The following MGA variants were observed in gnomAD, a reference collection of about 807,000 sequenced individuals.
MGA encodes MAX dimerization protein MGA.
A neutral mutation model predicts 261.1 loss-of-function variants in MGA; 40 were observed. The ratio of observed to expected loss-of-function variants is 0.15; its 90% CI spans 0.12 to 0.20. The LOEUF (loss-of-function observed/expected upper bound fraction) is 0.20. Among genes scored for constraint, MGA ranks in the 10% least tolerant of loss-of-function variants. The pLI, the probability that MGA is intolerant of heterozygous loss-of-function variation, is 1.00. For missense variants in MGA, 3,397 were observed against 3,630.5 expected (o/e 0.94, Z 1.65); for synonymous variants, 1,302 against 1,290.6 (o/e 1.01, Z -0.19).
At chr15:41,675,915 A>G (rs1223707287) in intron 2 of MGA, among the ~76,000 whole-genome samples, 1 of 152,230 alleles carries the variant, frequency 6.6e-6, no homozygotes, top group African/African-American at 2.4e-5. Flanking sequence ...GTAACAGAAT[A>G]CCTTTTAGTT....
At chr15:41,675,722 G>A (rs2058338555) in intron 2 of MGA, among the ~76,000 whole-genome samples, 1 of 151,922 alleles carries the variant, frequency 6.6e-6, no homozygotes, top group Admixed American at 6.6e-5. Flanking sequence ...CTTATTTCCT[G>A]TAAGTAGAAA....
At chr15:41,757,078 T>C (rs1344802118) in intron 18 of MGA, among the ~76,000 whole-genome samples, 2 of 152,138 alleles carry the variant, frequency 1.3e-5, no homozygotes, top group Non-Finnish European at 2.9e-5. Flanking sequence ...GGGAATGTGA[T>C]TGAGTAGACT....
chr15:41,641,892 C>T (rs1407417910), intron 1 of MGA, among the ~76,000 whole-genome samples: 1 of 144,232 alleles, frequency 6.9e-6, no homozygotes, highest in Non-Finnish European at 1.5e-5. Context: ...ACCTCTGGGG[C>T]TCAAGCAATC....
intron 5 of MGA, among the ~76,000 whole-genome samples, chr15:41,703,096 G>C (rs1371909429): frequency 1.3e-5 from 2 of 151,928 alleles, no homozygotes; most frequent in Non-Finnish European, 2.9e-5. Context: ...TTTACCCAAT[G>C]TCCTTTTTTT....
chr15:41,692,044 G>A (rs1404030270), intron 2 of MGA, among the ~76,000 whole-genome samples: 1 of 152,054 alleles, frequency 6.6e-6, no homozygotes, highest in Non-Finnish European at 1.5e-5. Context: ...CTTTTTGGCA[G>A]GGCAGTTACT....
chr15:41,744,602 A>T (rs2062329564), intron 15 of MGA, among the ~76,000 whole-genome samples: 1 of 152,212 alleles, frequency 6.6e-6, no homozygotes, highest in Non-Finnish European at 1.5e-5. Context: ...TCATTAGTGA[A>T]GCTACTTTTA....
chr15:41,663,938 T>C (rs762211816), intron 1 of MGA, among the ~76,000 whole-genome samples: 22 of 152,296 alleles, frequency 1.4e-4, no homozygotes, highest in Non-Finnish European at 2.9e-4. Flanking sequence ...AAAATTCATA[T>C]GGTAGCTCCA....
chr15:41,696,583 G>C lies in MGA; in HGVS notation c.1573G>C (p.Glu525Gln), dbSNP rs1447559447. ...TGAGACTGCCTTCTGCTTAGGCAAG[G>C]AATCAGAAAATGGTCTTAGAAAACA... The change falls in exon 3 of 24, where the codon GAA (glutamate) becomes CAA (glutamine). Residue 525 changes from glutamate (E) to glutamine (Q), a missense_variant. Glu to Gln is a conservative substitution (Grantham distance 29). This residue lies in a region of MGA where 563 missense variants were observed against 563.6 expected (regional missense o/e 1.00). Transcript: ENST00000219905. 6.2e-7 allele frequency: 1 copy of C among 1,613,886 alleles called. No individual in the cohort carries two copies. Among genetic ancestry groups the C allele is most frequent in the South Asian group, 1.1e-5 (1 of 91,076 alleles).
chr15:41,621,985 C>G (rs1191068808), intron 1 of MGA, among the ~76,000 whole-genome samples: 1 of 137,706 alleles, frequency 7.3e-6, no homozygotes, highest in South Asian at 2.5e-4. Flanking sequence ...GTGCTGGGGC[C>G]GCGTGAAGGT....
chr15:41,661,964 A>AT lies in MGA; in HGVS notation c.-68+1445dup, dbSNP rs2057433584. Among the ~76,000 whole-genome samples, 3 of 151,762 alleles carry AT rather than the reference A, an allele frequency of 2.0e-5. No homozygotes were observed. The South Asian group carries it at 6.3e-4, about 32-fold the overall frequency. On this transcript the variant is annotated intron_variant, in intron 1 of 23. Coordinates refer to ENST00000219905, the MANE Select transcript of MGA (RefSeq NM_001164273.2). ...TCCCCGGAAGAGCTTTCCTTGCGGCATTTTTTCACGTGGTTCTTGGCCAGC... is the reference window on the plus strand; with the variant it reads ...TCCCCGGAAGAGCTTTCCTTGCGGCATTTTTTTCACGTGGTTCTTGGCCAGC...
Position 41,748,622 on chromosome 15 carries a change from T to C in MGA, c.5213-15T>C. ...GGGGAATTTGGGTACCATGTTTCCA[T>C]TTCCTGTTTTTCAGAAAATGCTGCT... is the stretch of plus-strand genomic sequence containing the variant. On this transcript the variant is annotated splice_polypyrimidine_tract_variant and intron_variant, in intron 15 of 23. Transcript: ENST00000219905. 6.2e-7 allele frequency: 1 copy of C among 1,605,092 alleles called. No individual in the cohort carries two copies. Among genetic ancestry groups the C allele is most frequent in the Non-Finnish European group, 8.5e-7 (1 of 1,174,302 alleles).
intron 9 of MGA, among the ~76,000 whole-genome samples, chr15:41,726,021 G>A (rs1321583911): frequency 2.0e-5 from 3 of 152,150 alleles, no homozygotes; most frequent in African/African-American, 7.2e-5. Context: ...ATGACATTTT[G>A]ATGTAAATTG....
intron 1 of MGA, among the ~76,000 whole-genome samples, chr15:41,640,613 G>A (rs942997836): frequency 4.0e-5 from 6 of 151,812 alleles, no homozygotes; most frequent in Non-Finnish European, 4.4e-5. Context: ...TCTGCCTCCC[G>A]GTTCAAGCGA....
At chr15:41,716,740 TC>T (rs1308972889) in intron 9 of MGA, among the ~76,000 whole-genome samples, 7 of 152,110 alleles carry the variant, frequency 4.6e-5, no homozygotes, top group Admixed American at 2.0e-4. Flanking sequence ...TTAAAAGTAG[TC>T]ACTTGTCACT....
At position 41,767,262 on chromosome 15, in the gene MGA, A is replaced by C. The variant is rs755481850; in HGVS notation, c.9180A>C (p.Pro3060=). The C allele has an allele frequency of 6.2e-7, 1 of 1,611,436 alleles. No homozygotes were observed. The highest frequency in any genetic ancestry group is 8.5e-7 in the Non-Finnish European group (1 of 1,178,298). ...AATTGGGCAACTCGGGGGCCTCACC[A>C]AGTTCTGCAGGGAAATGAACTTACT... The change falls in exon 24 of 24, where the codon CCA becomes CCC. Residue 3060 remains proline, a synonymous_variant. Coordinates refer to ENST00000219905, the MANE Select transcript of MGA (RefSeq NM_001164273.2).
intron 20 of MGA, among the ~76,000 whole-genome samples, chr15:41,761,027 T>A (rs2151998935): frequency 6.6e-6 from 1 of 152,350 alleles, no homozygotes; most frequent in South Asian, 2.1e-4. Flanking sequence ...CACCTCAGCC[T>A]CCCAAAGTGC....
chr15:41,627,688 A>C (rs1250182114), intron 1 of MGA, among the ~76,000 whole-genome samples: 1 of 152,258 alleles, frequency 6.6e-6, no homozygotes, highest in African/African-American at 2.4e-5. Flanking sequence ...AAGCCTAATA[A>C]TACAGAAAAA....
intron 2 of MGA, among the ~76,000 whole-genome samples, chr15:41,682,638 G>A (rs866296183): frequency 1.4e-4 from 21 of 151,744 alleles, no homozygotes; most frequent in Middle Eastern, 6.8e-3. Flanking sequence ...ATGCTTCCAC[G>A]CCCGGCTAAT....
intron 18 of MGA, 72 bp from the exon 19 acceptor site, chr15:41,757,716 G>A: frequency 8.1e-7 from 1 of 1,238,584 alleles, no homozygotes; most frequent in Non-Finnish European, 1.2e-6. Flanking sequence ...GGAATGGTTT[G>A]GTTGTAGCTG....
Sources: allele counts gnomAD v4.1 joint callset (sites outside exome capture counted in the v4.1 genomes callset), GRCh38; gene constraint gnomAD v4.1.1; regional missense constraint gnomAD v4.1.1; transcripts MANE v1.5; gene names NCBI Gene and HGNC (gene_info 2026-07-23, HGNC 2026-07-21).